Variants in OCM observed in about 807,000 individuals in gnomAD.
The protein encoded by OCM is oncomodulin.
Under a neutral mutation model 14.1 loss-of-function variants are expected in OCM, and 18 were observed. The observed-to-expected ratio is 1.28, with a 90% CI of 0.88 to 1.89. The LOEUF is 1.89. Among genes scored for constraint, OCM ranks in the 40% most tolerant of loss-of-function variants. The pLI is 0.00. For synonymous variants in OCM, 48 were observed against 51.0 expected, an observed-to-expected ratio of 0.94 and a Z score of 0.25; for missense variants, 140 against 137.6, an observed-to-expected ratio of 1.02 and a Z score of -0.09.
the OCM span, among the ~76,000 whole-genome samples, chr7:5,872,467 T>G: frequency 6.6e-6 from 1 of 152,026 alleles, no homozygotes; most frequent in East Asian, 1.9e-4. Context: ...AAATAAACAT[T>G]CTTGTAACTC....
chr7:5,881,859 G>A (rs1363017933), intron 1 of OCM, among the ~76,000 whole-genome samples: 1 of 151,838 alleles, frequency 6.6e-6, no homozygotes, highest in Non-Finnish European at 1.5e-5. Flanking sequence ...GGCCGAGGCC[G>A]GTGCATCACT....
intron 2 of OCM, among the ~76,000 whole-genome samples, chr7:5,883,400 C>T (rs1373552587): frequency 6.6e-6 from 1 of 151,850 alleles, no homozygotes; most frequent in Non-Finnish European, 1.5e-5. Flanking sequence ...TAAAAATGGG[C>T]CAGGCACTGT....
At chr7:5,880,764 A>T (rs1392699349), upstream of OCM, 87 of 483,420 alleles carry the variant, frequency 1.8e-4, no homozygotes, top group South Asian at 1.8e-3. Context: ...GTCTTAATTT[A>T]AAAAAAAAAA....
At chr7:5,860,137 C>T in the OCM span, among the ~76,000 whole-genome samples, 1 of 151,918 alleles carries the variant, frequency 6.6e-6, no homozygotes, top group South Asian at 2.1e-4. Context: ...GAGATGCCAG[C>T]TCTCTCATTA....
At chr7:5,879,789 A>T (rs1334445581), upstream of OCM, 1 of 151,292 alleles carries the variant, frequency 6.6e-6, no homozygotes, top group Admixed American at 6.6e-5. Flanking sequence ...CATGAGTAAG[A>T]CAAGACATTT....
chr7:5,860,724 G>A, the OCM span, among the ~76,000 whole-genome samples: 56 of 89,282 alleles, frequency 6.3e-4, 15 homozygotes, highest in African/African-American at 2.4e-3. Flanking sequence ...ATATATACGT[G>A]TATATATTCA....
chr7:5,865,173 CGGGGCCGACGAG>C, the OCM span, among the ~76,000 whole-genome samples: 4 of 151,816 alleles, frequency 2.6e-5, no homozygotes, highest in African/African-American at 7.2e-5. Context: ...TGGCCAGCGT[CGGGGCCGACGAG>C]TAGTGTGATT....
upstream of OCM, among the ~76,000 whole-genome samples, chr7:5,878,326 G>T (rs1781137813): frequency 1.3e-5 from 2 of 152,018 alleles, no homozygotes; most frequent in Non-Finnish European, 2.9e-5. Flanking sequence ...CTAGGTGGGG[G>T]AACAGGGCAG....
upstream of OCM, among the ~76,000 whole-genome samples, chr7:5,876,351 A>G (rs1269463297): frequency 6.6e-6 from 1 of 151,940 alleles, no homozygotes; most frequent in Non-Finnish European, 1.5e-5. Flanking sequence ...GGGCCTTGTC[A>G]TGTTGTCCAG....
chr7:5,875,156 G>C (rs926072591), upstream of OCM, among the ~76,000 whole-genome samples: 1 of 151,362 alleles, frequency 6.6e-6, no homozygotes, highest in Non-Finnish European at 1.5e-5. Flanking sequence ...CCGGGTTCAA[G>C]CAATTCTCCT....
the OCM span, among the ~76,000 whole-genome samples, chr7:5,860,477 GTATATA>G: frequency 4.1e-4 from 15 of 36,408 alleles, no homozygotes; most frequent in African/African-American, 5.2e-3. Flanking sequence ...ATATATACGT[GTATATA>G]TACGTGTATA....
chr7:5,884,426 G>A (rs1438677347), intron 3 of OCM, among the ~76,000 whole-genome samples: 9 of 152,140 alleles, frequency 5.9e-5, no homozygotes, highest in Admixed American at 1.3e-4. Flanking sequence ...AGCCCTCTTC[G>A]TCTTCAAGGG....
Position 5,880,945 on chromosome 7 carries a change from G to A in OCM, c.56G>A (p.Cys19Tyr), listed in dbSNP as rs201103685. Residue 19 changes from cysteine (C) to tyrosine (Y), a missense_variant, in exon 1 of 4, where the codon TGC (cysteine) becomes TAC (tyrosine). Coordinates refer to ENST00000242104, the MANE Select transcript of OCM (RefSeq NM_001097622.2). ...ADDIAAALQE[C>Y]RDPDTFEPQK... The stretch of plus-strand genomic sequence containing the variant: ...GACATTGCAGCAGCGCTCCAGGAAT[G>A]CCGAGGTAGAGGGGACGTGAGGCGG... 1,216 of 1,613,844 alleles carry A rather than the reference G, an allele frequency of 7.5e-4. 1 individual carries two copies. Among genetic ancestry groups the A allele is most frequent in the Non-Finnish European group, 9.6e-4 (1,127 of 1,179,862 alleles).
the OCM span, among the ~76,000 whole-genome samples, chr7:5,866,959 C>T: frequency 6.6e-6 from 1 of 152,168 alleles, no homozygotes; most frequent in South Asian, 2.1e-4. Flanking sequence ...GTGCCTGTTT[C>T]ACTTTACAAT....
At chr7:5,868,487 C>G in the OCM span, among the ~76,000 whole-genome samples, 1 of 152,214 alleles carries the variant, frequency 6.6e-6, no homozygotes, top group Middle Eastern at 3.4e-3. Context: ...CCCAACAATG[C>G]TCTAGTGAGC....
rs1185343947 is a variant in OCM, at chr7:5,880,915, C to A, written c.26C>A (p.Ala9Asp). The A allele has an allele frequency of 1.2e-6, 2 of 1,614,026 alleles. No homozygotes were observed. Among genetic ancestry groups the A allele is most frequent in the Non-Finnish European group, 1.7e-6 (2 of 1,179,964 alleles). ...ATGAGCATCACGGACGTGCTCAGTGCTGACGACATTGCAGCAGCGCTCCAG... is the reference window on the plus strand; with the variant it reads ...ATGAGCATCACGGACGTGCTCAGTGATGACGACATTGCAGCAGCGCTCCAG... The part of the protein sequence containing the change: MSITDVLS[A>D]DDIAAALQEC... The change falls in exon 1 of 4, where the codon GCT becomes GAT. Residue 9 changes from alanine (A) to aspartate (D), a missense_variant. Ala to Asp is a moderately radical substitution (Grantham distance 126). Transcript: ENST00000242104.
chr7:5,875,921 T>TA (rs1781086553), upstream of OCM, among the ~76,000 whole-genome samples: 2 of 151,834 alleles, frequency 1.3e-5, no homozygotes. Context: ...CAGCAGCCGT[T>TA]ACTTCCCAGC....
chr7:5,870,767 A>G, the OCM span, among the ~76,000 whole-genome samples: 1 of 152,224 alleles, frequency 6.6e-6, no homozygotes, highest in Non-Finnish European at 1.5e-5. Flanking sequence ...ACATGTTAGC[A>G]TAAGTATGCA....
the OCM span, among the ~76,000 whole-genome samples, chr7:5,860,939 A>C: frequency 7.9e-3 from 1,194 of 151,924 alleles, 25 homozygotes; most frequent in African/African-American, 0.027. Flanking sequence ...AGTTGGCCAG[A>C]GAGCAAAAAC....
Sources: allele counts gnomAD v4.1 joint callset (sites outside exome capture counted in the v4.1 genomes callset), GRCh38; gene constraint gnomAD v4.1.1; transcripts MANE v1.5; gene names NCBI Gene and HGNC (gene_info 2026-07-23, HGNC 2026-07-21).